CDC73: variants seen among roughly 807,000 people sequenced by gnomAD.
CDC73 encodes the protein cell division cycle 73, also known as parafibromin.
Under a neutral mutation model 83.7 loss-of-function variants are expected in CDC73, and 21 were observed. The observed-to-expected ratio is 0.25, with a 90% confidence interval of 0.18 to 0.36. The LOEUF (loss-of-function observed/expected upper bound fraction) is 0.36, where lower values mean the gene tolerates loss of function less well. Ranked by LOEUF, CDC73 falls within the 10% of genes least tolerant of loss-of-function variation. The pLI is 1.00. For synonymous variants in CDC73, 224 were observed against 212.9 expected, an observed-to-expected ratio of 1.05 and a Z score of -0.45; for missense variants, 342 against 653.3, an observed-to-expected ratio of 0.52 and a Z score of 5.19.
intron 11 of CDC73, among the ~76,000 whole-genome samples, chr1:193,207,270 C>T (rs1240090951): frequency 2.0e-5 from 3 of 152,072 alleles, no homozygotes; most frequent in Non-Finnish European, 4.4e-5. Context: ...CTTCAAAGGG[C>T]AATAAAGATC....
intron 11 of CDC73, among the ~76,000 whole-genome samples, chr1:193,205,190 A>G (rs939104942): frequency 1.1e-5 from 1 of 87,678 alleles, no homozygotes; most frequent in African/African-American, 6.0e-5. Context: ...AGGCTATACC[A>G]CCTGTCCCCC....
intron 13 of CDC73, among the ~76,000 whole-genome samples, chr1:193,217,823 ACTTGC>A (rs535091860): frequency 7.9e-5 from 12 of 152,146 alleles, no homozygotes; most frequent in African/African-American, 2.7e-4. Flanking sequence ...TCTACCCAGC[ACTTGC>A]CTTCCCCCAT....
chr1:193,173,934 A>G (rs567225201), intron 10 of CDC73, among the ~76,000 whole-genome samples: 1 of 152,266 alleles, frequency 6.6e-6, no homozygotes, highest in South Asian at 2.1e-4. Context: ...ATATGTTATG[A>G]AAAAATCTGA....
At chr1:193,199,052 G>A (rs192512745) in intron 10 of CDC73, among the ~76,000 whole-genome samples, 1 of 152,046 alleles carries the variant, frequency 6.6e-6, no homozygotes, top group South Asian at 2.1e-4. Flanking sequence ...ATATTTAAAG[G>A]GAGGGAAGTA....
intron 1 of CDC73, chr1:193,122,576 T>G: frequency 4.1e-6 from 2 of 490,466 alleles, no homozygotes; most frequent in South Asian, 2.1e-5. Flanking sequence ...CGTGGGAGTT[T>G]CTGACTTTTA....
chr1:193,239,580 A>G (rs1677822659), intron 15 of CDC73, among the ~76,000 whole-genome samples: 1 of 152,122 alleles, frequency 6.6e-6, no homozygotes, highest in Non-Finnish European at 1.5e-5. Flanking sequence ...ACGTGGCTAT[A>G]TTTATTTGTT....
At chr1:193,208,171 T>A (rs1677220807) in intron 11 of CDC73, among the ~76,000 whole-genome samples, 1 of 152,196 alleles carries the variant, frequency 6.6e-6, no homozygotes, top group South Asian at 2.1e-4. Context: ...TCCTTACTCC[T>A]TTTCTGTTGG....
chr1:193,126,573 A>T (rs948511117), intron 2 of CDC73, among the ~76,000 whole-genome samples: 2 of 152,214 alleles, frequency 1.3e-5, no homozygotes, highest in African/African-American at 4.8e-5. Context: ...ATTTTTTTAA[A>T]TGAGCTTTTC....
At chr1:193,230,695 T>G (rs1280854390) in intron 13 of CDC73, among the ~76,000 whole-genome samples, 1 of 152,116 alleles carries the variant, frequency 6.6e-6, no homozygotes, top group East Asian at 1.9e-4. Context: ...GTTTTTTCCT[T>G]TCATAGTGGT....
chr1:193,161,129 T>C, intron 10 of CDC73: 1 of 176,160 alleles, frequency 5.7e-6, no homozygotes. Context: ...CCAGGTCTTT[T>C]TCTTGATGGA....
intron 13 of CDC73, among the ~76,000 whole-genome samples, chr1:193,220,535 T>C (rs1677451559): frequency 6.6e-6 from 1 of 152,160 alleles, no homozygotes; most frequent in African/African-American, 2.4e-5. Context: ...CAATTTGCAA[T>C]ATATGTGGAT....
intron 10 of CDC73, among the ~76,000 whole-genome samples, chr1:193,178,401 C>T: frequency 6.6e-6 from 1 of 152,174 alleles, no homozygotes; most frequent in South Asian, 2.1e-4. Context: ...TTTTAAAAAA[C>T]TTTTTCCAGA....
chr1:193,122,563 T>G, intron 1 of CDC73: 1 of 509,466 alleles, frequency 2.0e-6, no homozygotes, highest in Non-Finnish European at 3.6e-6. Context: ...AAAGGAAAGG[T>G]ACCGTGGGAG....
intron 2 of CDC73, among the ~76,000 whole-genome samples, chr1:193,127,299 G>T (rs1297396600): frequency 7.2e-6 from 1 of 138,990 alleles, no homozygotes; most frequent in African/African-American, 2.6e-5. Flanking sequence ...ATGTGTGTGT[G>T]TGTGTGTGTG....
intron 13 of CDC73, among the ~76,000 whole-genome samples, chr1:193,215,730 C>T (rs1377675092): frequency 6.6e-6 from 1 of 151,786 alleles, no homozygotes; most frequent in African/African-American, 2.4e-5. Flanking sequence ...GCTGGGACTA[C>T]AGGTGTGCAC....
At chr1:193,177,680 T>G (rs1676632908) in intron 10 of CDC73, among the ~76,000 whole-genome samples, 1 of 152,218 alleles carries the variant, frequency 6.6e-6, no homozygotes, top group Non-Finnish European at 1.5e-5. Context: ...GTAAAGTGCT[T>G]TAACACAGTA....
At chr1:193,244,866 G>A (rs1156465316) in intron 15 of CDC73, among the ~76,000 whole-genome samples, 1 of 152,062 alleles carries the variant, frequency 6.6e-6, no homozygotes, top group East Asian at 1.9e-4. Context: ...ATATTTATCT[G>A]TTAAACTGTT....
chr1:193,165,151 A>G (rs1676414087), intron 10 of CDC73, among the ~76,000 whole-genome samples: 1 of 152,140 alleles, frequency 6.6e-6, no homozygotes, highest in South Asian at 2.1e-4. Context: ...TAAGTACCTG[A>G]GATTGCAGGT....
intron 2 of CDC73, among the ~76,000 whole-genome samples, chr1:193,126,004 T>A (rs149321341): frequency 0.012 from 1,862 of 152,280 alleles, 19 homozygotes; most frequent in South Asian, 0.034. Flanking sequence ...TGCACGCTGG[T>A]AATCCCAGCT....
Sources: allele counts gnomAD v4.1 joint callset (sites outside exome capture counted in the v4.1 genomes callset), GRCh38; gene constraint gnomAD v4.1.1; transcripts MANE v1.5; gene names NCBI Gene and HGNC (gene_info 2026-07-23, HGNC 2026-07-21).